Variants in SCIN observed in about 807,000 individuals in gnomAD.
SCIN encodes adseverin.
SCIN carries 91 observed loss-of-function variants against 91.8 expected under a neutral mutation model. The ratio of observed to expected loss-of-function variants is 0.99; its 90% CI spans 0.84 to 1.18. The LOEUF is 1.18. Among genes scored for constraint, SCIN ranks in the 50% most tolerant of loss-of-function variants. The pLI is 0.00. For synonymous variants in SCIN, 367 were observed against 312.6 expected, an observed-to-expected ratio of 1.17 and a Z score of -1.84; for missense variants, 1,087 against 863.9, an observed-to-expected ratio of 1.26 and a Z score of -3.24.
chr7:12,627,729 G>C (rs1783557804), intron 8 of SCIN, among the ~76,000 whole-genome samples: 2 of 152,058 alleles, frequency 1.3e-5, no homozygotes, highest in Non-Finnish European at 2.9e-5. Context: ...TTGACTTCTG[G>C]GTCTGCATCT....
intron 3 of SCIN, among the ~76,000 whole-genome samples, chr7:12,599,818 T>C (rs1210257793): frequency 6.6e-6 from 1 of 152,202 alleles, no homozygotes; most frequent in African/African-American, 2.4e-5. Context: ...ATGTATCTTC[T>C]TCTCAGAACT....
At chr7:12,607,369 T>G (rs1270725266) in intron 4 of SCIN, among the ~76,000 whole-genome samples, 3 of 152,246 alleles carry the variant, frequency 2.0e-5, no homozygotes, top group Non-Finnish European at 4.4e-5. Context: ...CTGCTGGGCA[T>G]GTACATATGT....
intron 3 of SCIN, among the ~76,000 whole-genome samples, chr7:12,581,856 G>C (rs1216696347): frequency 3.3e-5 from 5 of 152,124 alleles, no homozygotes; most frequent in South Asian, 2.1e-4. Context: ...CCCTTTGCTA[G>C]ACCCTAGAAG....
Position 12,636,112 on chromosome 7 carries a change from TC to T in SCIN, c.1390del (p.Gly465GlufsTer19), listed in dbSNP as rs776301568. The part of the protein sequence containing the change: ...SAFLTVQLDR[S>X]LGGQAVQIRV... ...GTTCCTGACTGTTCAGTTGGATCGGTCCCTTGGAGGACAGGCTGTGCAGGTT... is the reference window on the plus strand; with the variant it reads ...GTTCCTGACTGTTCAGTTGGATCGGTCCTTGGAGGACAGGCTGTGCAGGTT... On this transcript the variant is annotated frameshift_variant, in exon 10 of 16. Coordinates refer to ENST00000297029, the MANE Select transcript of SCIN (RefSeq NM_001112706.3). LOFTEE classifies it high-confidence loss of function. 313 of 1,612,758 alleles carry T rather than the reference TC, an allele frequency of 1.9e-4. 1 individual carries two copies. The highest frequency in any genetic ancestry group is 2.6e-4 in the Non-Finnish European group (304 of 1,179,570).
intron 15 of SCIN, 77 bp from the exon 16 acceptor site, chr7:12,652,511 C>T (rs979297624): frequency 9.9e-6 from 13 of 1,314,874 alleles, no homozygotes; most frequent in African/African-American, 9.1e-5. Context: ...TACTTTTATT[C>T]GAAGAATTTT....
intron 1 of SCIN, 102 bp downstream of exon 1, chr7:12,571,087 C>A: frequency 7.9e-7 from 1 of 1,262,526 alleles, no homozygotes; most frequent in Non-Finnish European, 1.1e-6. Flanking sequence ...GGACCGCAAA[C>A]TGAGCTAGCC....
intron 11 of SCIN, among the ~76,000 whole-genome samples, chr7:12,642,049 A>G (rs1310953956): frequency 6.6e-6 from 1 of 151,556 alleles, no homozygotes; most frequent in East Asian, 1.9e-4. Flanking sequence ...AGTGTCTTGT[A>G]AGTGAATATT....
At chr7:12,603,971 C>G (rs966923637) in intron 3 of SCIN, among the ~76,000 whole-genome samples, 1 of 151,938 alleles carries the variant, frequency 6.6e-6, no homozygotes, top group South Asian at 2.1e-4. Context: ...ATTACTGGGA[C>G]AATATCACTC....
chr7:12,629,002 T>G, intron 8 of SCIN, 99 bp from the exon 9 acceptor site: 1 of 1,023,090 alleles, frequency 9.8e-7, no homozygotes, highest in Non-Finnish European at 1.4e-6. Flanking sequence ...TTAAAAGTTG[T>G]TTAATAATGG....
intron 4 of SCIN, among the ~76,000 whole-genome samples, chr7:12,613,278 G>A (rs1220336365): frequency 6.6e-6 from 1 of 152,086 alleles, no homozygotes; most frequent in Non-Finnish European, 1.5e-5. Context: ...CTAAGACTCA[G>A]CTAAACACAG....
intron 13 of SCIN, among the ~76,000 whole-genome samples, chr7:12,648,042 A>AG (rs934942302): frequency 6.6e-6 from 1 of 152,140 alleles, no homozygotes; most frequent in Non-Finnish European, 1.5e-5. Context: ...CGTAAGGATC[A>AG]GGGGGGTTTT....
At chr7:12,611,861 A>G (rs904884668) in intron 4 of SCIN, among the ~76,000 whole-genome samples, 3 of 152,018 alleles carry the variant, frequency 2.0e-5, no homozygotes, top group African/African-American at 7.2e-5. Flanking sequence ...GCTGTGAGCT[A>G]TGATCATGCC....
In SCIN at chr7:12,625,113, G is replaced by A. The variant is rs1583306852; in HGVS notation, c.863G>A (p.Gly288Glu). The A allele has an allele frequency of 1.2e-6, 2 of 1,607,746 alleles. No homozygotes were observed. The highest frequency in any genetic ancestry group is 2.2e-5 in the East Asian group (1 of 44,610). Residue 288 changes from glycine to glutamate, a missense_variant, in exon 6 of 16, where the codon GGG (glycine) becomes GAG (glutamate). Coordinates refer to ENST00000297029, the MANE Select transcript of SCIN (RefSeq NM_001112706.3). ...GAAGAATGCTTTATTTTGGACCACGGGGCTGCCAAACAAATTTTCGTATGG... is the reference window on the plus strand; with the variant it reads ...GAAGAATGCTTTATTTTGGACCACGAGGCTGCCAAACAAATTTTCGTATGG... ...LSEECFILDH[G>E]AAKQIFVWKG...
At chr7:12,574,110 G>A (rs923154418) in intron 1 of SCIN, among the ~76,000 whole-genome samples, 2 of 152,146 alleles carry the variant, frequency 1.3e-5, no homozygotes, top group African/African-American at 4.8e-5. Flanking sequence ...GTCCACAGCA[G>A]TTTTATTTGA....
chr7:12,626,809 T>C lies in SCIN; in HGVS notation c.1197+10T>C. 1 of 1,591,700 alleles carries C rather than the reference T, an allele frequency of 6.3e-7. No homozygotes were observed. The highest frequency in any genetic ancestry group is 8.6e-7 in the Non-Finnish European group (1 of 1,168,028). ...TTCTGGCAAAGTGGAGGTATTTACCTGTTTTTGTTTTTATCAAGCCCATTA... is the reference window on the plus strand; with the variant it reads ...TTCTGGCAAAGTGGAGGTATTTACCCGTTTTTGTTTTTATCAAGCCCATTA... On this transcript the variant is annotated intron_variant, in intron 8 of 15. Coordinates refer to ENST00000297029, the MANE Select transcript of SCIN (RefSeq NM_001112706.3).
At chr7:12,580,410 G>T (rs1782463991) in intron 2 of SCIN, among the ~76,000 whole-genome samples, 1 of 151,794 alleles carries the variant, frequency 6.6e-6, no homozygotes, top group Admixed American at 6.6e-5. Context: ...TTTGTTTGGG[G>T]ATGTACAGCC....
intron 3 of SCIN, among the ~76,000 whole-genome samples, chr7:12,587,646 C>T (rs186891252): frequency 3.3e-5 from 5 of 152,288 alleles, no homozygotes; most frequent in Admixed American, 1.3e-4. Flanking sequence ...GTATCCTCAT[C>T]GTACCAGTGC....
At chr7:12,585,981 G>A (rs565964965) in intron 3 of SCIN, among the ~76,000 whole-genome samples, 1 of 152,294 alleles carries the variant, frequency 6.6e-6, no homozygotes, top group South Asian at 2.1e-4. Context: ...ACTGTCCAGT[G>A]TCCCAGCCCT....
Position 12,570,792 on chromosome 7 carries a change from G to C in SCIN, c.6G>C (p.Ala2=), listed in dbSNP as rs957170503. The change falls in exon 1 of 16, where the codon GCG becomes GCC. Residue 2 remains alanine, a synonymous_variant. Coordinates refer to ENST00000297029, the MANE Select transcript of SCIN (RefSeq NM_001112706.3). M[A]RELYHEEFAR... ...GAGCATCGCGTGCAGGAGCCATGGC[G>C]CGGGAGCTATACCACGAAGAGTTCG... The C allele has an allele frequency of 1.1e-5, 17 of 1,550,612 alleles. No individual in the cohort carries two copies. Among genetic ancestry groups the C allele is most frequent in the Non-Finnish European group, 1.5e-5 (17 of 1,146,594 alleles).
Sources: gnomAD v4.1 joint callset for allele counts (sites outside exome capture counted in the v4.1 genomes callset) on GRCh38, gnomAD v4.1.1 for gene constraint, MANE v1.5 for transcripts, NCBI Gene and HGNC (gene_info 2026-07-23, HGNC 2026-07-21) for gene names.